Variants in TBC1D9 observed in about 807,000 individuals in gnomAD.
TBC1D9 encodes the protein TBC1 domain family member 9A.
Under a neutral mutation model 132.0 loss-of-function variants are expected in TBC1D9, and 63 were observed. That is an observed-to-expected ratio of 0.48 (90% CI 0.39 to 0.59). The LOEUF (loss-of-function observed/expected upper bound fraction) is 0.59, where lower values mean the gene tolerates loss of function less well. Ranked by LOEUF, TBC1D9 falls within the 20% of genes least tolerant of loss-of-function variation. The probability of loss-of-function intolerance (pLI) is 0.00; values close to 1 mark genes in which losing one functional copy is unlikely to be tolerated. For missense variants in TBC1D9, 1,261 were observed against 1,592.7 expected (o/e 0.79, Z 3.54); for synonymous variants, 610 against 609.9 (o/e 1.00, Z 0.00).
intron 1 of TBC1D9, among the ~76,000 whole-genome samples, chr4:140,705,512 ATGTGTGTG>A (rs139885350): frequency 5.0e-4 from 71 of 142,190 alleles, no homozygotes; most frequent in African/African-American, 1.7e-3. Context: ...GGGTGTGTGC[ATGTGTGTG>A]TGTGTGTGTG....
intron 16 of TBC1D9, among the ~76,000 whole-genome samples, chr4:140,629,302 C>T (rs1424271537): frequency 3.9e-5 from 6 of 152,254 alleles, no homozygotes; most frequent in East Asian, 1.9e-4. Context: ...TTATGAAGTC[C>T]GTGAACCCCT....
At chr4:140,693,502 T>C (rs1737907999) in intron 2 of TBC1D9, among the ~76,000 whole-genome samples, 1 of 152,210 alleles carries the variant, frequency 6.6e-6, no homozygotes, top group Non-Finnish European at 1.5e-5. Flanking sequence ...CCTTCAGATT[T>C]CTTGTCTGTA....
At chr4:140,643,206 G>T in intron 13 of TBC1D9, 1 of 1,393,808 alleles carries the variant, frequency 7.2e-7, no homozygotes. Flanking sequence ...AGCCACCAGG[G>T]CCCGCTCCGC....
intron 1 of TBC1D9, among the ~76,000 whole-genome samples, chr4:140,729,015 T>C (rs1464310941): frequency 6.6e-5 from 10 of 152,120 alleles, no homozygotes; most frequent in African/African-American, 9.7e-5. Flanking sequence ...TAAATAAATT[T>C]TCAGTGTCAT....
At chr4:140,671,042 AT>A in intron 6 of TBC1D9, 116 bp from the exon 7 acceptor site, 1 of 840,080 alleles carries the variant, frequency 1.2e-6, no homozygotes, top group Non-Finnish European at 1.9e-6. Flanking sequence ...AACCACCTAT[AT>A]TTTATTGAAG....
At position 140,730,944 on chromosome 4, in the gene TBC1D9, G is replaced by A. The variant is rs149814898; in HGVS notation, c.130+24972C>T. ...TGAAGATGCTTTGAGCTGGTATTCCGAAGATTCAGAGAGTAATTGCTTGTC... is the reference window on the plus strand; with the variant it reads ...TGAAGATGCTTTGAGCTGGTATTCCAAAGATTCAGAGAGTAATTGCTTGTC... On this transcript the variant is annotated intron_variant, in intron 1 of 20. Transcript: ENST00000442267. 1.6e-4 allele frequency among the ~76,000 whole-genome samples: 25 copies of A among 152,242 alleles called. No individual in the cohort carries two copies. The East Asian group carries it at 3.9e-3, about 23-fold the overall frequency.
chr4:140,625,326 C>T (rs1736689192), intron 18 of TBC1D9, among the ~76,000 whole-genome samples: 1 of 152,024 alleles, frequency 6.6e-6, no homozygotes, highest in South Asian at 2.1e-4. Context: ...TAATTTGGTA[C>T]TTCAAAAATA....
intron 1 of TBC1D9, among the ~76,000 whole-genome samples, chr4:140,752,168 G>A (rs1416570678): frequency 6.6e-6 from 1 of 151,836 alleles, no homozygotes; most frequent in Non-Finnish European, 1.5e-5. Flanking sequence ...CCATCCAATG[G>A]GCCACCAACA....
At chr4:140,639,488 C>A in intron 13 of TBC1D9, 60 bp from the exon 14 acceptor site, 1 of 1,174,938 alleles carries the variant, frequency 8.5e-7, no homozygotes, top group Non-Finnish European at 1.2e-6. Context: ...AATGTCCTGT[C>A]TGCAGAATGC....
chr4:140,653,406 C>T (rs144778475), intron 13 of TBC1D9, among the ~76,000 whole-genome samples: 287 of 152,230 alleles, frequency 1.9e-3, no homozygotes, highest in African/African-American at 6.7e-3. Context: ...AGTGATTAGC[C>T]CCATTCTGCA....
At chr4:140,724,303 T>C (rs1382524028) in intron 1 of TBC1D9, among the ~76,000 whole-genome samples, 2 of 152,122 alleles carry the variant, frequency 1.3e-5, no homozygotes, top group African/African-American at 2.4e-5. Context: ...GGTCTGTTAA[T>C]AGTTCAATAG....
At chr4:140,632,092 G>A (rs1736803568) in intron 16 of TBC1D9, among the ~76,000 whole-genome samples, 3 of 152,120 alleles carry the variant, frequency 2.0e-5, no homozygotes, top group Admixed American at 1.3e-4. Context: ...CTTTTCCAGT[G>A]TTTTCTCTAT....
In TBC1D9 at chr4:140,633,940, G is replaced by A. The variant is rs558238370; in HGVS notation, c.2746+8C>T. The A allele has an allele frequency of 1.2e-5, 20 of 1,613,654 alleles. No individual in the cohort carries two copies. The highest frequency in any genetic ancestry group is 7.7e-5 in the South Asian group (7 of 91,038). Reference sequence around the variant, plus strand: ...ATCCCAACTCATGCAATAGTACCACGTCCTTACTTAGCCCAGAGACAAACT... The same window carrying A: ...ATCCCAACTCATGCAATAGTACCACATCCTTACTTAGCCCAGAGACAAACT... On this transcript the variant is annotated splice_region_variant and intron_variant, in intron 16 of 20. Coordinates refer to ENST00000442267, the MANE Select transcript of TBC1D9 (RefSeq NM_015130.3).
At position 140,756,129 on chromosome 4, in the gene TBC1D9, G is replaced by A. The variant is rs1739011658; in HGVS notation, c.-84C>T. The A allele has an allele frequency of 2.6e-6, 3 of 1,170,986 alleles. No individual in the cohort carries two copies. The highest frequency in any genetic ancestry group is 3.4e-6 in the Non-Finnish European group (3 of 893,452). 72.5% of individuals were successfully genotyped at this position (1,170,986 alleles called of 1,614,324 possible). A position where few individuals can be genotyped will look rare whatever the true frequency, so the allele number is the denominator to read the frequency against. On this transcript the variant is annotated 5_prime_UTR_variant, in exon 1 of 21. Coordinates refer to ENST00000442267, the MANE Select transcript of TBC1D9 (RefSeq NM_015130.3). This position sits in a 1 kb window ranked among gnomAD's most constrained non-coding sequence, Gnocchi z 5.6. ...CACCGCGACAGGCGCGCACTCCTGG[G>A]CACACGCGCGCCCGCCCGCCCGTCC...
intron 1 of TBC1D9, among the ~76,000 whole-genome samples, chr4:140,724,091 T>C (rs1299443548): frequency 6.6e-6 from 1 of 152,180 alleles, no homozygotes; most frequent in South Asian, 2.1e-4. Context: ...GGCATTGCTT[T>C]CTGAACGCAT....
At chr4:140,623,862 T>C (rs997463222) in intron 20 of TBC1D9, among the ~76,000 whole-genome samples, 1 of 152,236 alleles carries the variant, frequency 6.6e-6, no homozygotes, top group African/African-American at 2.4e-5. Context: ...TTTTTAATGA[T>C]TGCAATAAGA....
chr4:140,676,567 C>T (rs578062663), intron 6 of TBC1D9, among the ~76,000 whole-genome samples: 2 of 152,256 alleles, frequency 1.3e-5, no homozygotes, highest in East Asian at 1.9e-4. Flanking sequence ...GCAGGAGAAT[C>T]GCTTGAACCT....
intron 13 of TBC1D9, among the ~76,000 whole-genome samples, chr4:140,651,208 C>T (rs1220392470): frequency 6.6e-6 from 1 of 152,178 alleles, no homozygotes; most frequent in East Asian, 1.9e-4. Flanking sequence ...GTGGCTCATG[C>T]CTATAATCCC....
chr4:140,678,787 T>G (rs770543162), intron 5 of TBC1D9, among the ~76,000 whole-genome samples, 155 bp downstream of exon 5: 13 of 152,204 alleles, frequency 8.5e-5, no homozygotes, highest in Non-Finnish European at 2.9e-5. Flanking sequence ...CTTTCTGAAC[T>G]GGTAGCACCT....
Sources: allele counts gnomAD v4.1 joint callset (sites outside exome capture counted in the v4.1 genomes callset), GRCh38; gene constraint gnomAD v4.1.1; non-coding constraint Gnocchi (gnomAD v3.1); transcripts MANE v1.5; gene names NCBI Gene and HGNC (gene_info 2026-07-23, HGNC 2026-07-21).